The following SAMTOR variants were observed in gnomAD, a reference collection of about 807,000 sequenced individuals.
The protein encoded by SAMTOR is UPF0532 protein C7orf60.
the SAMTOR span, among the ~76,000 whole-genome samples, chr7:112,918,455 C>T: frequency 6.6e-6 from 1 of 152,140 alleles, no homozygotes; most frequent in Non-Finnish European, 1.5e-5. Context: ...AAGCACTAAA[C>T]ATGGAAAGGA....
chr7:112,935,807 T>C, the SAMTOR span, among the ~76,000 whole-genome samples: 3,329 of 152,198 alleles, frequency 0.022, 37 homozygotes, highest in Non-Finnish European at 0.025. Context: ...AATTTTTACA[T>C]AAACGCTTTA....
chr7:112,847,875 T>C, the SAMTOR span, among the ~76,000 whole-genome samples: 1 of 152,218 alleles, frequency 6.6e-6, no homozygotes, highest in South Asian at 2.1e-4. Flanking sequence ...CTGTGGCTCA[T>C]GCCTGTAACC....
the SAMTOR span, among the ~76,000 whole-genome samples, chr7:112,874,042 C>A: frequency 6.6e-6 from 1 of 151,798 alleles, no homozygotes; most frequent in African/African-American, 2.4e-5. Context: ...ATCAAAAAGC[C>A]AAAAAACAGA....
the SAMTOR span, among the ~76,000 whole-genome samples, chr7:112,889,150 A>G: frequency 6.6e-6 from 1 of 152,218 alleles, no homozygotes; most frequent in Non-Finnish European, 1.5e-5. Flanking sequence ...TATGTCTATA[A>G]TATCTGTTCT....
the SAMTOR span, among the ~76,000 whole-genome samples, chr7:112,913,752 CTCT>C: frequency 6.6e-6 from 1 of 152,200 alleles, no homozygotes; most frequent in Non-Finnish European, 1.5e-5. Context: ...GCCAGCATGC[CTCT>C]TCTTCAAGGT....
At chr7:112,925,014 AC>A in the SAMTOR span, among the ~76,000 whole-genome samples, 5 of 152,184 alleles carry the variant, frequency 3.3e-5, no homozygotes, top group African/African-American at 7.2e-5. Flanking sequence ...AATACCACAT[AC>A]CGAAGTTCAT....
chr7:112,837,030 G>C, the SAMTOR span, among the ~76,000 whole-genome samples: 1 of 152,090 alleles, frequency 6.6e-6, no homozygotes, highest in Non-Finnish European at 1.5e-5. Flanking sequence ...AAATTGCTTT[G>C]ACAGTATGGC....
the SAMTOR span, among the ~76,000 whole-genome samples, chr7:112,869,453 T>A: frequency 2.0e-5 from 3 of 151,522 alleles, no homozygotes; most frequent in African/African-American, 7.3e-5. Flanking sequence ...AAAGCCACTG[T>A]AGAAACTATC....
At chr7:112,837,940 T>C in the SAMTOR span, among the ~76,000 whole-genome samples, 9 of 151,984 alleles carry the variant, frequency 5.9e-5, no homozygotes, top group Admixed American at 5.9e-4. Flanking sequence ...TGAAGGAAGC[T>C]TACATAACAC....
the SAMTOR span, among the ~76,000 whole-genome samples, chr7:112,842,042 C>T: frequency 2.0e-5 from 3 of 151,952 alleles, no homozygotes; most frequent in Non-Finnish European, 4.4e-5. Context: ...CTTGCTGCCT[C>T]TGCTGACTTT....
chr7:112,850,187 G>A, the SAMTOR span, among the ~76,000 whole-genome samples: 24 of 151,038 alleles, frequency 1.6e-4, no homozygotes, highest in Non-Finnish European at 3.2e-4. Flanking sequence ...GGTAACAAGA[G>A]TGAAACTCCG....
At chr7:112,895,288 A>G in the SAMTOR span, among the ~76,000 whole-genome samples, 2 of 151,562 alleles carry the variant, frequency 1.3e-5, no homozygotes, top group African/African-American at 4.8e-5. Context: ...TGTAATATAT[A>G]TAATTATGTA....
chr7:112,850,919 T>C, the SAMTOR span, among the ~76,000 whole-genome samples: 2 of 152,142 alleles, frequency 1.3e-5, no homozygotes, highest in African/African-American at 4.8e-5. Context: ...AGCAATTCTA[T>C]CCACCAATAA....
the SAMTOR span, among the ~76,000 whole-genome samples, chr7:112,864,850 G>C: frequency 6.6e-6 from 1 of 152,152 alleles, no homozygotes; most frequent in Non-Finnish European, 1.5e-5. Context: ...GACCTCTCGG[G>C]CTTAAGTGAT....
At chr7:112,934,580 T>C in the SAMTOR span, among the ~76,000 whole-genome samples, 8 of 152,242 alleles carry the variant, frequency 5.3e-5, no homozygotes. Context: ...TAAGCTATTA[T>C]TAACTTTAGA....
the SAMTOR span, among the ~76,000 whole-genome samples, chr7:112,928,617 A>G: frequency 8.5e-5 from 13 of 152,156 alleles, no homozygotes; most frequent in African/African-American, 2.2e-4. Flanking sequence ...CATGAAAAGT[A>G]TAAACAAATT....
the SAMTOR span, among the ~76,000 whole-genome samples, chr7:112,823,171 G>A: frequency 6.6e-6 from 1 of 152,038 alleles, no homozygotes; most frequent in Non-Finnish European, 1.5e-5. Context: ...ATAGTCATCT[G>A]GACTGTTTAT....
chr7:112,928,057 G>A, the SAMTOR span, among the ~76,000 whole-genome samples: 54 of 152,022 alleles, frequency 3.6e-4, 1 homozygote, highest in Middle Eastern at 0.014. Flanking sequence ...AACTAGGAAA[G>A]AATAGCACAT....
chr7:112,880,639 C>G, the SAMTOR span, among the ~76,000 whole-genome samples: 1 of 151,952 alleles, frequency 6.6e-6, no homozygotes, highest in Non-Finnish European at 1.5e-5. Flanking sequence ...ATATTAAATA[C>G]TAAGCCTCCA....
Sources: gnomAD v4.1 joint callset for allele counts (sites outside exome capture counted in the v4.1 genomes callset) on GRCh38, gnomAD v4.1.1 for gene constraint, MANE v1.5 for transcripts, NCBI Gene and HGNC (gene_info 2026-07-23, HGNC 2026-07-21) for gene names.